OSMR: variants seen among roughly 807,000 people sequenced by gnomAD.
OSMR encodes the protein oncostatin-M-specific receptor subunit beta.
A neutral mutation model predicts 99.9 loss-of-function variants in OSMR; 81 were observed. The ratio of observed to expected loss-of-function variants is 0.81; its 90% CI spans 0.68 to 0.97. OSMR has a LOEUF of 0.97. Among genes scored for constraint, OSMR ranks in the 50% least tolerant of loss-of-function variants. The pLI, the probability that OSMR is intolerant of heterozygous loss-of-function variation, is 0.00. For missense variants in OSMR, 1,099 were observed against 1,153.4 expected, an observed-to-expected ratio of 0.95 and a Z score of 0.68; for synonymous variants, 406 against 410.4, an observed-to-expected ratio of 0.99 and a Z score of 0.13.
At chr5:38,945,527 G>A (rs1748094134), downstream of OSMR, 1 of 1,613,882 alleles carries the variant, frequency 6.2e-7, no homozygotes, top group African/African-American at 1.3e-5. Flanking sequence ...TGGTTGCTGG[G>A]CTGGAAACCC....
intron 1 of OSMR, among the ~76,000 whole-genome samples, chr5:38,863,284 T>C (rs533683613): frequency 7.3e-5 from 11 of 150,560 alleles, no homozygotes; most frequent in African/African-American, 2.7e-4. Flanking sequence ...CTCATGCCTG[T>C]AATCCCAGCA....
intron 1 of OSMR, among the ~76,000 whole-genome samples, chr5:38,854,134 C>G (rs1579619363): frequency 6.6e-6 from 1 of 152,078 alleles, no homozygotes; most frequent in African/African-American, 2.4e-5. Flanking sequence ...AGGACTCTTT[C>G]ATAAATGCAT....
intron 9 of OSMR, among the ~76,000 whole-genome samples, chr5:38,905,487 CAA>C (rs61305308): frequency 5.1e-4 from 74 of 145,600 alleles, no homozygotes; most frequent in East Asian, 6.1e-4. Context: ...GACTCCATCT[CAA>C]AAAAAAAAAA....
intron 3 of OSMR, among the ~76,000 whole-genome samples, chr5:38,879,622 C>CTTTTTT (rs1173567281): frequency 1.5e-5 from 2 of 131,256 alleles, no homozygotes; most frequent in African/African-American, 5.8e-5. Flanking sequence ...ATATTTGCTC[C>CTTTTTT]TTTTTTTTTT....
chr5:38,886,248 CTG>C, intron 7 of OSMR, 58 bp downstream of exon 7: 1 of 1,612,870 alleles, frequency 6.2e-7, no homozygotes, highest in Non-Finnish European at 8.5e-7. Context: ...GTTTCACAGA[CTG>C]TGTGATCAAG....
At chr5:38,945,535 C>G, downstream of OSMR, 1 of 1,614,050 alleles carries the variant, frequency 6.2e-7, no homozygotes, top group Non-Finnish European at 8.5e-7. Context: ...GGGCTGGAAA[C>G]CCAGAATTTC....
intron 14 of OSMR, 35 bp from the exon 15 acceptor site, chr5:38,925,169 T>G: frequency 6.2e-7 from 1 of 1,612,924 alleles, no homozygotes; most frequent in Non-Finnish European, 8.5e-7. Context: ...AAATCTTTTT[T>G]TTCCTTGAAA....
intron 2 of OSMR, among the ~76,000 whole-genome samples, chr5:38,872,570 G>C (rs1579670395): frequency 6.6e-6 from 1 of 152,278 alleles, no homozygotes; most frequent in Admixed American, 6.5e-5. Flanking sequence ...GATTATAGTG[G>C]AGTGAATCAG....
chr5:38,920,008 A>G (rs1289857837), intron 11 of OSMR, among the ~76,000 whole-genome samples: 1 of 152,240 alleles, frequency 6.6e-6, no homozygotes, highest in Non-Finnish European at 1.5e-5. Context: ...ACTATATTAG[A>G]GAAAGAAGTT....
intron 1 of OSMR, among the ~76,000 whole-genome samples, chr5:38,853,631 A>G (rs1422213008): frequency 1.3e-5 from 2 of 152,172 alleles, no homozygotes; most frequent in African/African-American, 2.4e-5. Flanking sequence ...TATTTTTTGG[A>G]TTCAGAATAC....
chr5:38,945,069 C>T (rs1371927085), exon 3 of OSMR: 1 of 1,584,454 alleles, frequency 6.3e-7, no homozygotes, highest in African/African-American at 1.4e-5. Flanking sequence ...TCTTGAAAGT[C>T]TGAAGAAAAA....
intron 7 of OSMR, among the ~76,000 whole-genome samples, chr5:38,890,769 C>T (rs917523664): frequency 1.3e-5 from 2 of 152,002 alleles, no homozygotes; most frequent in Non-Finnish European, 2.9e-5. Flanking sequence ...AAGTTGGGAG[C>T]CTCTATATAC....
In OSMR at chr5:38,885,459, T is replaced by G; in HGVS notation, c.814T>G (p.Ser272Ala). 2.5e-6 allele frequency: 4 copies of G among 1,614,056 alleles called. No individual in the cohort carries two copies. The highest frequency in any genetic ancestry group is 3.4e-6 in the Non-Finnish European group (4 of 1,179,930). ...TGCCTTGGGGTGGTCTAAACAACCT[T>G]CCCAAAGCTACACTTTATTTGAATC... ...DTALGWSKQP[S>A]QSYTLFESFS... Residue 272 changes from serine to alanine, a missense_variant, in exon 6 of 18, where the codon TCC (serine) becomes GCC (alanine). By Grantham distance (99) the Ser-to-Ala change is moderately conservative. Coordinates refer to ENST00000274276, the MANE Select transcript of OSMR (RefSeq NM_003999.3).
rs1742901479 is a variant in OSMR, at chr5:38,877,112, T to C, written c.246+739T>C. On this transcript the variant is annotated intron_variant, in intron 3 of 17. Transcript: ENST00000274276. ...ACTCTAGTAATCTATATGCACATAA[T>C]GTTCAGTCATTTTCACGGGATATTT... Among the ~76,000 whole-genome samples the C allele has an allele frequency of 6.6e-5, 10 of 152,188 alleles. No individual in the cohort carries two copies. The South Asian group carries it at 2.1e-3, about 32-fold the overall frequency.
chr5:38,938,520 A>G (rs1311675862), downstream of OSMR: 1 of 232,768 alleles, frequency 4.3e-6, no homozygotes, highest in African/African-American at 2.2e-5. Flanking sequence ...CTATAAAGAA[A>G]GTAAAACAAA....
intron 3 of OSMR, among the ~76,000 whole-genome samples, chr5:38,877,773 C>G (rs552517636): frequency 6.6e-6 from 1 of 152,066 alleles, no homozygotes; most frequent in African/African-American, 2.4e-5. Flanking sequence ...CTTTATTTTT[C>G]CAAAAGACAA....
At chr5:38,873,689 T>A (rs1311962182) in intron 2 of OSMR, among the ~76,000 whole-genome samples, 1 of 152,222 alleles carries the variant, frequency 6.6e-6, no homozygotes, top group African/African-American at 2.4e-5. Context: ...TTCATGGGTG[T>A]GAAATGGTAC....
At chr5:38,906,237 T>C (rs3805569) in intron 9 of OSMR, among the ~76,000 whole-genome samples, 27,763 of 151,696 alleles carry the variant, frequency 0.18, 2,867 homozygotes, top group Admixed American at 0.24. Context: ...GGCAAAAGAA[T>C]AGAGTTTCTT....
intron 3 of OSMR, among the ~76,000 whole-genome samples, chr5:38,880,178 T>C (rs1000976589): frequency 1.5e-4 from 23 of 152,302 alleles, no homozygotes; most frequent in Admixed American, 1.4e-3. Flanking sequence ...GTTTCAAGTT[T>C]GTGACCTGAA....
Sources: allele counts gnomAD v4.1 joint callset (sites outside exome capture counted in the v4.1 genomes callset), GRCh38; gene constraint gnomAD v4.1.1; transcripts MANE v1.5; gene names NCBI Gene and HGNC (gene_info 2026-07-23, HGNC 2026-07-21).